Variants in DNAJC1 observed in about 807,000 individuals in gnomAD.
The protein encoded by DNAJC1 is DnaJ heat shock protein family (Hsp40) member C1.
In DNAJC1, 58 loss-of-function variants were observed where a neutral mutation model predicts 76.6. That is an observed-to-expected ratio of 0.76 (90% CI 0.61 to 0.94). DNAJC1 has a LOEUF of 0.94. DNAJC1 is among the 40% of genes least tolerant of loss of function. The pLI, the probability that DNAJC1 is intolerant of heterozygous loss-of-function variation, is 0.00. For synonymous variants in DNAJC1, 258 were observed against 267.9 expected, an observed-to-expected ratio of 0.96 and a Z score of 0.36; for missense variants, 689 against 677.3, an observed-to-expected ratio of 1.02 and a Z score of -0.19.
chr10:21,898,986 T>A (rs938265036), intron 7 of DNAJC1, among the ~76,000 whole-genome samples: 2 of 151,948 alleles, frequency 1.3e-5, no homozygotes, highest in African/African-American at 4.8e-5. Context: ...ACTTGACCCA[T>A]GGAAAATGAA....
chr10:21,890,821 G>T (rs1373204882), intron 7 of DNAJC1, among the ~76,000 whole-genome samples: 4 of 152,140 alleles, frequency 2.6e-5, no homozygotes, highest in African/African-American at 9.7e-5. Context: ...TCAAAAATCA[G>T]TTGTTACACC....
intron 7 of DNAJC1, among the ~76,000 whole-genome samples, chr10:21,900,266 C>G (rs928503675): frequency 6.6e-6 from 1 of 151,516 alleles, no homozygotes; most frequent in South Asian, 2.1e-4. Flanking sequence ...TCACTTGAAC[C>G]TGGGAGGCGG....
chr10:21,813,218 CTCTA>C (rs1456024322), intron 8 of DNAJC1, among the ~76,000 whole-genome samples: 80 of 29,624 alleles, frequency 2.7e-3, no homozygotes, highest in East Asian at 5.4e-3. Flanking sequence ...CTCTCTCTCT[CTCTA>C]TATATATATA....
intron 9 of DNAJC1, chr10:21,785,245 G>A (rs1294393128): frequency 1.3e-5 from 2 of 152,200 alleles, no homozygotes; most frequent in African/African-American, 4.8e-5. Flanking sequence ...CCCATTGTGT[G>A]GAGGCAGTCA....
At chr10:21,955,240 C>T (rs1397063216) in intron 1 of DNAJC1, among the ~76,000 whole-genome samples, 7 of 152,116 alleles carry the variant, frequency 4.6e-5, no homozygotes, top group African/African-American at 1.7e-4. Flanking sequence ...ATTAGTTTTC[C>T]CCAATTTTAA....
intron 8 of DNAJC1, among the ~76,000 whole-genome samples, chr10:21,845,029 ACT>A (rs1175432940): frequency 6.6e-6 from 1 of 152,016 alleles, no homozygotes; most frequent in Non-Finnish European, 1.5e-5. Flanking sequence ...AGAGTATGAG[ACT>A]CTGTCTCAAA....
chr10:21,955,781 G>GCTTA (rs760927538), intron 1 of DNAJC1, among the ~76,000 whole-genome samples: 11 of 151,992 alleles, frequency 7.2e-5, no homozygotes, highest in Non-Finnish European at 1.5e-4. Context: ...ATCTCCATAT[G>GCTTA]CTTACGCTTA....
chr10:21,873,243 A>C (rs1462600661), intron 8 of DNAJC1, among the ~76,000 whole-genome samples: 1 of 152,042 alleles, frequency 6.6e-6, no homozygotes, highest in Non-Finnish European at 1.5e-5. Context: ...CAGCTAAATA[A>C]AGCCCTCTCC....
chr10:21,824,327 G>C (rs1467712851), intron 8 of DNAJC1, among the ~76,000 whole-genome samples: 2 of 152,166 alleles, frequency 1.3e-5, no homozygotes, highest in African/African-American at 4.8e-5. Context: ...ATTTCAGACA[G>C]AGTTTGTTCT....
chr10:21,907,746 G>T (rs1169805466), intron 6 of DNAJC1, among the ~76,000 whole-genome samples: 1 of 151,678 alleles, frequency 6.6e-6, no homozygotes, highest in Non-Finnish European at 1.5e-5. Flanking sequence ...GGAAGCCCAG[G>T]TGGGCGGATC....
chr10:21,949,824 T>C (rs1403069548), intron 1 of DNAJC1, among the ~76,000 whole-genome samples: 2 of 152,070 alleles, frequency 1.3e-5, no homozygotes, highest in African/African-American at 4.8e-5. Flanking sequence ...TCATGGAATA[T>C]AATCACAGCA....
chr10:21,850,490 C>T (rs921093949), intron 8 of DNAJC1, among the ~76,000 whole-genome samples: 7 of 151,360 alleles, frequency 4.6e-5, no homozygotes, highest in African/African-American at 1.7e-4. Flanking sequence ...GAACGACATC[C>T]CATGTTCATG....
chr10:21,873,575 A>G (rs777508286), intron 8 of DNAJC1, among the ~76,000 whole-genome samples: 1 of 152,202 alleles, frequency 6.6e-6, no homozygotes, highest in African/African-American at 2.4e-5. Context: ...AAAGTGAGAG[A>G]GTTCACTGCT....
At chr10:21,978,564 C>A (rs1480589151) in intron 1 of DNAJC1, among the ~76,000 whole-genome samples, 1 of 152,114 alleles carries the variant, frequency 6.6e-6, no homozygotes, top group Non-Finnish European at 1.5e-5. Context: ...TACATTTTGT[C>A]TTCCAATACT....
chr10:21,895,219 A>G (rs1440381144), intron 7 of DNAJC1, among the ~76,000 whole-genome samples: 7 of 152,144 alleles, frequency 4.6e-5, no homozygotes, highest in Admixed American at 3.9e-4. Context: ...AGAAGAGGAG[A>G]GCTGTAGAGA....
intron 9 of DNAJC1, among the ~76,000 whole-genome samples, chr10:21,795,069 G>T (rs1834736582): frequency 6.6e-6 from 1 of 151,560 alleles, no homozygotes; most frequent in South Asian, 2.1e-4. Context: ...TTCAGATTTG[G>T]GATGTCTAAC....
intron 3 of DNAJC1, among the ~76,000 whole-genome samples, chr10:21,928,150 G>A (rs1420026986): frequency 1.3e-5 from 2 of 152,098 alleles, no homozygotes; most frequent in African/African-American, 4.8e-5. Flanking sequence ...CAAGCATCAG[G>A]CACAGATAGG....
rs553536765 is a variant in DNAJC1 at position 21,939,581 on chromosome 10, G to A, written c.223-10440C>T. On this transcript the variant is annotated intron_variant, in intron 1 of 11. Coordinates refer to ENST00000376980, the MANE Select transcript of DNAJC1 (RefSeq NM_022365.4). ...ACATAAATACCATTGTGTTACAATT[G>A]CCTGCAGTATTTAGTAACATGTTGT... Among the ~76,000 whole-genome samples, 4 of 152,112 alleles carry A rather than the reference G, an allele frequency of 2.6e-5. No individual in the cohort carries two copies. The South Asian group carries it at 6.2e-4, about 24-fold the overall frequency.
intron 1 of DNAJC1, among the ~76,000 whole-genome samples, chr10:21,933,931 A>T (rs1837268898): frequency 6.6e-6 from 1 of 152,168 alleles, no homozygotes; most frequent in Admixed American, 6.5e-5. Context: ...ATTTGATGAT[A>T]ATAAGCAACT....
Sources: allele counts gnomAD v4.1 joint callset (sites outside exome capture counted in the v4.1 genomes callset), GRCh38; gene constraint gnomAD v4.1.1; transcripts MANE v1.5; gene names NCBI Gene and HGNC (gene_info 2026-07-23, HGNC 2026-07-21).